Variants in PCDHGA5 observed in about 807,000 individuals in gnomAD.
The protein encoded by PCDHGA5 is protocadherin gamma-A5.
Under a neutral mutation model 56.7 loss-of-function variants are expected in PCDHGA5, and 36 were observed. The observed-to-expected ratio is 0.64, with a 90% confidence interval of 0.49 to 0.84. The LOEUF (loss-of-function observed/expected upper bound fraction) is 0.84. Among genes scored for constraint, PCDHGA5 ranks in the 40% least tolerant of loss-of-function variants. The probability of loss-of-function intolerance (pLI) is 0.00; values close to 1 mark genes in which losing one functional copy is unlikely to be tolerated. For synonymous variants in PCDHGA5, 563 were observed against 520.2 expected (o/e 1.08, Z -1.12); for missense variants, 1,305 against 1,201.5 (o/e 1.09, Z -1.27).
Position 141,375,486 on chromosome 5 carries a change from G to A in PCDHGA5, c.2421+8735G>A, listed in dbSNP as rs1193457334. Reference sequence around the variant, plus strand: ...TATGTCCTTGAAAACAACCCCAGGGGTGCCTCCATCTTCTCTGTGAATGCA... The same window carrying A: ...TATGTCCTTGAAAACAACCCCAGGGATGCCTCCATCTTCTCTGTGAATGCA... On this transcript the variant is annotated intron_variant, in intron 1 of 3. Transcript: ENST00000518069. 9.3e-6 allele frequency: 15 copies of A among 1,613,796 alleles called. No individual in the cohort carries two copies. The Admixed American group carries it at 1.7e-4, about 18-fold the overall frequency.
intron 1 of PCDHGA5, chr5:141,413,792 G>C (rs1390056342): frequency 6.2e-7 from 1 of 1,613,134 alleles, no homozygotes; most frequent in South Asian, 1.1e-5. Context: ...TCCCTAGATC[G>C]CGAGGAAGAG....
chr5:141,503,671 A>G (rs1028896082), intron 2 of PCDHGA5, among the ~76,000 whole-genome samples: 2 of 151,950 alleles, frequency 1.3e-5, no homozygotes, highest in Non-Finnish European at 2.9e-5. Flanking sequence ...AACTCTTCCC[A>G]CTTTTGGGAA....
rs150714552 is a variant in PCDHGA5, at chr5:141,473,285, G to A, written c.2422-21522G>A. On this transcript the variant is annotated intron_variant, in intron 1 of 3. Transcript: ENST00000518069. ...GTGTATGCTATGATTATTTTACTATGTCAGTAGCATAAAGATTGCTATATT... is the reference window on the plus strand; with the variant it reads ...GTGTATGCTATGATTATTTTACTATATCAGTAGCATAAAGATTGCTATATT... 3.9e-3 allele frequency among the ~76,000 whole-genome samples: 590 copies of A among 152,296 alleles called. 6 individuals are homozygous for A. Among genetic ancestry groups the A allele is most frequent in the Admixed American group, 0.011 (170 of 15,296 alleles).
At chr5:141,427,924 G>A (rs1440880400) in intron 1 of PCDHGA5, 8 of 1,580,024 alleles carry the variant, frequency 5.1e-6, no homozygotes, top group East Asian at 2.2e-5. Context: ...ATGAGCCGGC[G>A]CATGTTGGTG....
chr5:141,492,111 C>T (rs2154587044), intron 1 of PCDHGA5, among the ~76,000 whole-genome samples: 1 of 152,320 alleles, frequency 6.6e-6, no homozygotes, highest in South Asian at 2.1e-4. Context: ...ATTTCCTCTT[C>T]GATTTCTCCC....
intron 1 of PCDHGA5, among the ~76,000 whole-genome samples, chr5:141,429,387 T>TA (rs11410533): frequency 0.01 from 1,566 of 151,436 alleles, 8 homozygotes; most frequent in Middle Eastern, 0.031. Flanking sequence ...GTTTTTTTTT[T>TA]AAAAAAAATT....
chr5:141,436,842 T>G (rs986680968), intron 1 of PCDHGA5, among the ~76,000 whole-genome samples: 3 of 152,376 alleles, frequency 2.0e-5, no homozygotes, highest in African/African-American at 7.2e-5. Flanking sequence ...CCTAGGCACA[T>G]TCTTGATTGA....
chr5:141,398,787 A>C, intron 1 of PCDHGA5: 1 of 1,613,902 alleles, frequency 6.2e-7, no homozygotes, highest in South Asian at 1.1e-5. Context: ...GTGGACATCC[A>C]CCCCTAAGCG....
In PCDHGA5 at chr5:141,387,729, A is replaced by C. The variant is rs536775462; in HGVS notation, c.2421+20978A>C. ...GCCCCAGCTCAGACTCCCCAGCGCC[A>C]GCCTTTACACCGCTTCCTCCTCGGA... On this transcript the variant is annotated intron_variant, in intron 1 of 3. Coordinates refer to ENST00000518069, the MANE Select transcript of PCDHGA5 (RefSeq NM_018918.3). The C allele has an allele frequency of 4.9e-6, 6 of 1,227,140 alleles. No individual in the cohort carries two copies. The African/African-American group carries it at 7.6e-5, about 16-fold the overall frequency. The allele number at this position is 1,227,140 out of a possible 1,614,324, so 76.0% of individuals were successfully genotyped here.
rs1228676619 is a variant in PCDHGA5, at chr5:141,388,743, A to T, written c.2421+21992A>T. 3 of 1,614,034 alleles carry T rather than the reference A, an allele frequency of 1.9e-6. No homozygotes were observed. The Admixed American group carries it at 5.0e-5, about 27-fold the overall frequency. On this transcript the variant is annotated intron_variant, in intron 1 of 3. Coordinates refer to ENST00000518069, the MANE Select transcript of PCDHGA5 (RefSeq NM_018918.3). ...TTTCTCTTTCAGTGAAGCTAGCCAG[A>T]TCACCCAATTTGACCTGAACTCTAA...
intron 1 of PCDHGA5, among the ~76,000 whole-genome samples, chr5:141,437,923 A>G (rs893873818): frequency 2.0e-5 from 3 of 152,110 alleles, no homozygotes; most frequent in African/African-American, 7.2e-5. Context: ...TTTTTAGTAG[A>G]GATGGGGTTT....
rs539406412 is a variant in PCDHGA5, at chr5:141,427,895, G to A, written c.2421+61144G>A. ...CGATGCAGGCCCACGACCAGGGCTCGCCCGCGCTCAGCGCCAACATGAGCC... is the reference window on the plus strand; with the variant it reads ...CGATGCAGGCCCACGACCAGGGCTCACCCGCGCTCAGCGCCAACATGAGCC... On this transcript the variant is annotated intron_variant, in intron 1 of 3. Transcript: ENST00000518069. 373 of 1,569,222 alleles carry A rather than the reference G, an allele frequency of 2.4e-4. 2 individuals are homozygous for A. In the South Asian group the frequency reaches 3.9e-3, roughly 17 times the overall value.
intron 1 of PCDHGA5, chr5:141,427,864 A>G: frequency 6.4e-7 from 1 of 1,557,574 alleles, no homozygotes; most frequent in Non-Finnish European, 8.8e-7. Flanking sequence ...TGCGCCTTCG[A>G]GCTCACGATG....
intron 1 of PCDHGA5, chr5:141,398,001 A>T: frequency 5.0e-6 from 7 of 1,388,802 alleles, no homozygotes; most frequent in African/African-American, 4.4e-5. Flanking sequence ...CCTCCTCGGA[A>T]AAAGAATCGT....
In PCDHGA5 at chr5:141,432,219, T is replaced by A. The variant is rs1327611752; in HGVS notation, c.2422-62588T>A. 6.2e-7 allele frequency: 1 copy of A among 1,614,122 alleles called. No homozygotes were observed. Among genetic ancestry groups the A allele is most frequent in the East Asian group, 2.2e-5 (1 of 44,868 alleles). On this transcript the variant is annotated intron_variant, in intron 1 of 3. Transcript: ENST00000518069. The surrounding 1 kb of genome is among the most constrained non-coding windows in gnomAD (Gnocchi z 6.0). The stretch of plus-strand genomic sequence containing the variant: ...CCCGACTGTGAAGAGAACGCCCAGA[T>A]CACTTATTCCCTGGCTGAGAACACC...
rs1022516458 is a variant in PCDHGA5, at chr5:141,476,612, A to G, written c.2422-18195A>G. The G allele has an allele frequency of 1.2e-6, 2 of 1,614,236 alleles. No individual in the cohort carries two copies. The highest frequency in any genetic ancestry group is 2.2e-5 in the South Asian group (2 of 91,080). ...GAGCGCGCACGATCCCGATGTGGGA[A>G]GCAACTCTTTACAAACCTATGAGCT... On this transcript the variant is annotated intron_variant, in intron 1 of 3. Transcript: ENST00000518069. The surrounding 1 kb of genome is among the most constrained non-coding windows in gnomAD (Gnocchi z 7.6).
intron 1 of PCDHGA5, among the ~76,000 whole-genome samples, chr5:141,492,103 T>G (rs1458656062): frequency 6.6e-6 from 1 of 152,134 alleles, no homozygotes; most frequent in Non-Finnish European, 1.5e-5. Flanking sequence ...GTCTGTAGAT[T>G]TCCTCTTCGA....
intron 1 of PCDHGA5, among the ~76,000 whole-genome samples, chr5:141,373,006 G>GCCT (rs775944130): frequency 4.6e-5 from 7 of 152,146 alleles, no homozygotes; most frequent in Non-Finnish European, 8.8e-5. Context: ...TTCATAGAAA[G>GCCT]CCTCCTTTTG....
chr5:141,376,682 T>TTTTTTGTTG lies in PCDHGA5; in HGVS notation c.2421+9936_2421+9937insGTTGTTTTT, dbSNP rs1554084782. On this transcript the variant is annotated intron_variant, in intron 1 of 3. Coordinates refer to ENST00000518069, the MANE Select transcript of PCDHGA5 (RefSeq NM_018918.3). ...TTGTTCAGGTGAGGGTATCGTTTTTTTTTTTTTTTTTTTTTGAGACGGAGT... is the reference window on the plus strand; with the variant it reads ...TTGTTCAGGTGAGGGTATCGTTTTTTTTTTTGTTGTTTTTTTTTTTTTTTGAGACGGAGT... The TTTTTTGTTG allele has an allele frequency of 3.8e-6, 3 of 786,082 alleles. No homozygotes were observed. In the African/African-American group the frequency reaches 5.8e-5, roughly 15 times the overall value. 48.7% of individuals were successfully genotyped at this position (786,082 alleles called of 1,614,324 possible). A position where few individuals can be genotyped will look rare whatever the true frequency, so the allele number is the denominator to read the frequency against.
Sources: gnomAD v4.1 joint callset for allele counts (sites outside exome capture counted in the v4.1 genomes callset) on GRCh38, gnomAD v4.1.1 for gene constraint, Gnocchi (gnomAD v3.1) non-coding constraint, MANE v1.5 for transcripts, NCBI Gene and HGNC (gene_info 2026-07-23, HGNC 2026-07-21) for gene names.